MTRF1: variants seen among roughly 807,000 people sequenced by gnomAD.
The protein encoded by MTRF1 is mitochondrial translation release factor 1.
Under a neutral mutation model 62.9 loss-of-function variants are expected in MTRF1, and 51 were observed. That is an observed-to-expected ratio of 0.81 (90% CI 0.65 to 1.02). The LOEUF (loss-of-function observed/expected upper bound fraction) is 1.02. MTRF1 is among the 50% of genes least tolerant of loss of function. MTRF1 has a pLI of 0.00. For missense variants in MTRF1, 446 were observed against 530.0 expected (o/e 0.84, Z 1.56); for synonymous variants, 158 against 181.9 (o/e 0.87, Z 1.06).
At chr13:41,242,997 G>C (rs1200189241) in intron 5 of MTRF1, among the ~76,000 whole-genome samples, 3 of 152,090 alleles carry the variant, frequency 2.0e-5, no homozygotes, top group African/African-American at 4.8e-5. Context: ...GAGGCGGGCA[G>C]ATCACAAGGT....
rs185270367 is a variant in MTRF1, at chr13:41,243,157, C to T, written c.698-2724G>A. ...TCGCTTGAACCTGAGAGGCGGAGGT[C>T]GCAGTGAGCCAAGATCGTGCCACTG... On this transcript the variant is annotated intron_variant, in intron 5 of 9. Coordinates refer to ENST00000379480, the MANE Select transcript of MTRF1 (RefSeq NM_004294.4). Among the ~76,000 whole-genome samples, 336 of 151,960 alleles carry T rather than the reference C, an allele frequency of 2.2e-3. 3 individuals are homozygous for T. Among genetic ancestry groups the T allele is most frequent in the African/African-American group, 7.5e-3 (310 of 41,446 alleles).
the MTRF1 span, chr13:41,311,352 C>G: frequency 4.9e-6 from 3 of 613,438 alleles, no homozygotes; most frequent in Non-Finnish European, 8.5e-6. Flanking sequence ...CCTTCCTTCT[C>G]CATTGCCACC....
chr13:41,264,090 T>TA (rs1566199459), upstream of MTRF1, among the ~76,000 whole-genome samples: 3 of 152,008 alleles, frequency 2.0e-5, no homozygotes, highest in South Asian at 4.1e-4. Flanking sequence ...TTCCAATATT[T>TA]AAAAAAAATA....
chr13:41,284,888 G>A, the MTRF1 span, among the ~76,000 whole-genome samples: 1 of 151,954 alleles, frequency 6.6e-6, no homozygotes, highest in Admixed American at 6.6e-5. Context: ...TCCTGACCTC[G>A]GGTGACCAAC....
chr13:41,275,571 C>A, the MTRF1 span, among the ~76,000 whole-genome samples: 1 of 151,604 alleles, frequency 6.6e-6, no homozygotes, highest in Non-Finnish European at 1.5e-5. Flanking sequence ...TGGCTCACTG[C>A]AACCTCTGTC....
intron 7 of MTRF1, among the ~76,000 whole-genome samples, chr13:41,231,137 A>G (rs2138806177): frequency 6.6e-6 from 1 of 152,360 alleles, no homozygotes; most frequent in Middle Eastern, 3.4e-3. Context: ...GATCTATTAA[A>G]GACAGAAAGT....
chr13:41,270,289 A>G, the MTRF1 span, among the ~76,000 whole-genome samples: 1 of 152,226 alleles, frequency 6.6e-6, no homozygotes, highest in Non-Finnish European at 1.5e-5. Flanking sequence ...TAAAGATTTT[A>G]CTTAAGTTAT....
At chr13:41,309,062 T>A in the MTRF1 span, among the ~76,000 whole-genome samples, 2 of 151,978 alleles carry the variant, frequency 1.3e-5, no homozygotes, top group African/African-American at 4.9e-5. Context: ...GGTCTCATTC[T>A]TTTTTGTGGC....
chr13:41,228,174 T>C (rs375469576), intron 7 of MTRF1, among the ~76,000 whole-genome samples: 1 of 149,578 alleles, frequency 6.7e-6, no homozygotes. Context: ...GGAATCACTT[T>C]ATTATGTATT....
intron 9 of MTRF1, among the ~76,000 whole-genome samples, chr13:41,221,301 T>C (rs2033304087): frequency 1.3e-5 from 2 of 152,030 alleles, no homozygotes; most frequent in Admixed American, 6.6e-5. Flanking sequence ...GGACTACAGG[T>C]GCCCACCACC....
At chr13:41,274,692 A>T in the MTRF1 span, among the ~76,000 whole-genome samples, 18,597 of 150,074 alleles carry the variant, frequency 0.12, 1,798 homozygotes, top group African/African-American at 0.26. Context: ...AATAATAATA[A>T]TATTATTTTT....
the MTRF1 span, among the ~76,000 whole-genome samples, chr13:41,310,504 C>G: frequency 3.9e-4 from 59 of 152,266 alleles, no homozygotes; most frequent in African/African-American, 1.3e-3. Context: ...AAGCCTGTCT[C>G]TACTAAAAAT....
At chr13:41,300,428 T>C in the MTRF1 span, among the ~76,000 whole-genome samples, 1 of 151,784 alleles carries the variant, frequency 6.6e-6, no homozygotes, top group Non-Finnish European at 1.5e-5. Context: ...CTACTAAAAA[T>C]ACAAAAAATT....
chr13:41,247,235 G>A (rs1483925476), intron 5 of MTRF1, among the ~76,000 whole-genome samples: 1 of 152,218 alleles, frequency 6.6e-6, no homozygotes, highest in African/African-American at 2.4e-5. Flanking sequence ...TCTTGTGGAA[G>A]ACAAAGGCTG....
chr13:41,216,919 T>G lies in MTRF1; in HGVS notation c.*196A>C. ...TTATTTTCTACTTGATGAGTTGGAT[T>G]GTACTTTACAGGAAACCTAAAATAA... On this transcript the variant is annotated 3_prime_UTR_variant, in exon 10 of 10. Transcript: ENST00000379480. 5.3e-6 allele frequency: 2 copies of G among 374,250 alleles called. No individual in the cohort carries two copies. The highest frequency in any genetic ancestry group is 7.3e-4 in the Middle Eastern group (1 of 1,370). 23.2% of individuals were successfully genotyped at this position (374,250 alleles called of 1,614,324 possible). A position where few individuals can be genotyped will look rare whatever the true frequency, so the allele number is the denominator to read the frequency against.
At chr13:41,253,803 T>C (rs2039379376) in intron 3 of MTRF1, among the ~76,000 whole-genome samples, 1 of 152,116 alleles carries the variant, frequency 6.6e-6, no homozygotes, top group African/African-American at 2.4e-5. Flanking sequence ...CAATTTGTAA[T>C]AAAAATAACT....
rs79223802 is a variant in MTRF1, at chr13:41,263,380, G to A, written c.-9+105C>T. 1.6e-4 allele frequency: 167 copies of A among 1,040,370 alleles called. No homozygotes were observed. The African/African-American group carries it at 2.3e-3, about 15-fold the overall frequency. The allele number at this position is 1,040,370 out of a possible 1,614,324, so 64.4% of individuals were successfully genotyped here. On this transcript the variant is annotated intron_variant, in intron 1 of 9. Transcript: ENST00000379480. ...CAGGTCAGAAGCGACAGCCCGCGGG[G>A]CAGCAGCACGGGCAAACCATGCTGT...
At chr13:41,258,790 A>G (rs1268460800) in intron 2 of MTRF1, among the ~76,000 whole-genome samples, 1 of 152,202 alleles carries the variant, frequency 6.6e-6, no homozygotes, top group Non-Finnish European at 1.5e-5. Flanking sequence ...CATCATCAAA[A>G]TTTAAAAATA....
rs147583974 is a variant in MTRF1, at chr13:41,257,508, A to C, written c.416-2888T>G. 3.3e-3 allele frequency among the ~76,000 whole-genome samples: 497 copies of C among 152,322 alleles called. 2 individuals carry two copies. Among genetic ancestry groups the C allele is most frequent in the African/African-American group, 0.011 (455 of 41,568 alleles). Reference sequence around the variant, plus strand: ...TTTGGAATCTCATTGCTTGGGTTCAAATCCTTGCTTCTCCCCTCGCTGGCT... The same window carrying C: ...TTTGGAATCTCATTGCTTGGGTTCACATCCTTGCTTCTCCCCTCGCTGGCT... On this transcript the variant is annotated intron_variant, in intron 2 of 9. Coordinates refer to ENST00000379480, the MANE Select transcript of MTRF1 (RefSeq NM_004294.4).
Sources: gnomAD v4.1 joint callset for allele counts (sites outside exome capture counted in the v4.1 genomes callset) on GRCh38, gnomAD v4.1.1 for gene constraint, MANE v1.5 for transcripts, NCBI Gene and HGNC (gene_info 2026-07-23, HGNC 2026-07-21) for gene names.